SH3GL3: variants seen among roughly 807,000 people sequenced by gnomAD.
SH3GL3 encodes endophilin-A3.
In SH3GL3, 33 loss-of-function variants were observed where a neutral mutation model predicts 47.7. The observed-to-expected ratio is 0.69, with a 90% CI of 0.52 to 0.92. SH3GL3 has a LOEUF of 0.92. SH3GL3 is among the 40% of genes least tolerant of loss of function. SH3GL3 has a pLI of 0.00. For missense variants in SH3GL3, 363 were observed against 417.8 expected, an observed-to-expected ratio of 0.87 and a Z score of 1.14; for synonymous variants, 155 against 148.8, an observed-to-expected ratio of 1.04 and a Z score of -0.30.
At chr15:83,586,542 G>A (rs2059960361) in intron 6 of SH3GL3, among the ~76,000 whole-genome samples, 1 of 152,206 alleles carries the variant, frequency 6.6e-6, no homozygotes, top group African/African-American at 2.4e-5. Flanking sequence ...GTTCTTAACT[G>A]TTTAATGTAC....
At chr15:83,552,143 G>A (rs189076908) in intron 1 of SH3GL3, among the ~76,000 whole-genome samples, 248 of 152,296 alleles carry the variant, frequency 1.6e-3, no homozygotes, top group African/African-American at 5.8e-3. Context: ...GGGCCTGTGA[G>A]AGTGACTGAT....
downstream of SH3GL3, among the ~76,000 whole-genome samples, chr15:83,621,524 AAC>A (rs1466891223): frequency 2.0e-5 from 3 of 152,214 alleles, no homozygotes; most frequent in Non-Finnish European, 2.9e-5. Flanking sequence ...GGTGCCCCAA[AAC>A]AGTTAAAATA....
chr15:83,559,370 GATATGAGATATA>G, intron 2 of SH3GL3, 49 bp downstream of exon 2: 1 of 951,640 alleles, frequency 1.1e-6, no homozygotes, highest in Non-Finnish European at 1.7e-6. Flanking sequence ...CTTTCATTGT[GATATGAGATATA>G]CTGCTATTGT....
In SH3GL3 at chr15:83,498,642, T is replaced by C. The variant is rs563366387; in HGVS notation, c.45+51064T>C. On this transcript the variant is annotated intron_variant, in intron 1 of 8. Transcript: ENST00000427482. ...GCTCTAAGATCTGTCAATCTCTCTC[T>C]GCACCACCATCACTCCTCAGGGTGG... 5.9e-5 allele frequency among the ~76,000 whole-genome samples: 9 copies of C among 152,324 alleles called. No homozygotes were observed. The South Asian group carries it at 1.9e-3, about 32-fold the overall frequency.
At chr15:83,501,940 T>G (rs2042315674) in intron 1 of SH3GL3, among the ~76,000 whole-genome samples, 1 of 152,014 alleles carries the variant, frequency 6.6e-6, no homozygotes, top group Admixed American at 6.5e-5. Flanking sequence ...TTAGACACAG[T>G]TTGCAGGAAA....
At chr15:83,631,403 C>T in the SH3GL3 span, among the ~76,000 whole-genome samples, 1 of 152,222 alleles carries the variant, frequency 6.6e-6, no homozygotes, top group Non-Finnish European at 1.5e-5. Flanking sequence ...GCTCCAGCTC[C>T]ATGTTTCCCT....
intron 1 of SH3GL3, among the ~76,000 whole-genome samples, chr15:83,487,507 C>G (rs1238209220): frequency 6.6e-6 from 1 of 152,046 alleles, no homozygotes; most frequent in Non-Finnish European, 1.5e-5. Flanking sequence ...AAAGAAGTTT[C>G]TATACTTTCC....
intron 6 of SH3GL3, among the ~76,000 whole-genome samples, chr15:83,578,951 C>A (rs1435170152): frequency 1.3e-5 from 2 of 152,110 alleles, no homozygotes; most frequent in African/African-American, 4.8e-5. Context: ...CCGTCTGACC[C>A]ATTTGTTCCA....
chr15:83,519,142 G>A (rs940700656), intron 1 of SH3GL3, among the ~76,000 whole-genome samples: 2 of 152,052 alleles, frequency 1.3e-5, no homozygotes, highest in African/African-American at 4.8e-5. Context: ...TGATTGCTTT[G>A]GCTATTTGGG....
chr15:83,541,335 T>G (rs2044152898), intron 1 of SH3GL3, among the ~76,000 whole-genome samples: 1 of 94,410 alleles, frequency 1.1e-5, no homozygotes, highest in African/African-American at 4.6e-5. Context: ...TTTTTTTTTT[T>G]TTTTTTTTTT....
intron 1 of SH3GL3, among the ~76,000 whole-genome samples, chr15:83,533,423 C>A (rs962541373): frequency 6.6e-6 from 1 of 152,010 alleles, no homozygotes; most frequent in Non-Finnish European, 1.5e-5. Context: ...GAAGACAAAT[C>A]GGTTAATAGG....
chr15:83,607,593 C>T (rs1219985102), intron 8 of SH3GL3, among the ~76,000 whole-genome samples: 2 of 152,140 alleles, frequency 1.3e-5, no homozygotes, highest in East Asian at 1.9e-4. Flanking sequence ...CTACGGCAAG[C>T]GCCCCTTGCC....
chr15:83,610,190 C>T (rs948848785), intron 8 of SH3GL3, among the ~76,000 whole-genome samples: 1 of 152,204 alleles, frequency 6.6e-6, no homozygotes, highest in African/African-American at 2.4e-5. Flanking sequence ...CCCAAAGGCT[C>T]ATTCCAAGCC....
intron 1 of SH3GL3, among the ~76,000 whole-genome samples, chr15:83,507,179 T>G (rs1360693091): frequency 2.6e-5 from 4 of 151,882 alleles, no homozygotes; most frequent in African/African-American, 9.7e-5. Context: ...CTAATTTTTT[T>G]GTATTTTTTT....
chr15:83,520,566 G>A (rs2043163230), intron 1 of SH3GL3, among the ~76,000 whole-genome samples: 1 of 152,170 alleles, frequency 6.6e-6, no homozygotes, highest in Non-Finnish European at 1.5e-5. Flanking sequence ...TGCTGCAGTG[G>A]AGGTGAGGAG....
chr15:83,556,571 G>A (rs555377784), intron 1 of SH3GL3, among the ~76,000 whole-genome samples: 2 of 152,266 alleles, frequency 1.3e-5, no homozygotes, highest in South Asian at 2.1e-4. Context: ...AAGGGATTTC[G>A]GGTCCAACTC....
intron 7 of SH3GL3, among the ~76,000 whole-genome samples, chr15:83,587,797 A>T (rs974850756): frequency 1.3e-5 from 2 of 152,198 alleles, no homozygotes; most frequent in African/African-American, 4.8e-5. Flanking sequence ...AACCCTGTTT[A>T]TTAAAATATT....
intron 6 of SH3GL3, among the ~76,000 whole-genome samples, chr15:83,584,275 T>G (rs570907405): frequency 6.6e-6 from 1 of 152,314 alleles, no homozygotes. Flanking sequence ...TTCTCTGACC[T>G]TGGCACTCCT....
At position 83,583,885 on chromosome 15, in the gene SH3GL3, C is replaced by T. The variant is rs74637096; in HGVS notation, c.625-3098C>T. Among the ~76,000 whole-genome samples, 12 of 152,252 alleles carry T rather than the reference C, an allele frequency of 7.9e-5. No homozygotes were observed. In the East Asian group the frequency reaches 1.4e-3, roughly 17 times the overall value. The stretch of plus-strand genomic sequence containing the variant: ...TTACCCCCTGAGCTTGGTTCTTATG[C>T]GTCTCCAGGCAACAACTCCCATCAC... On this transcript the variant is annotated intron_variant, in intron 6 of 8. Transcript: ENST00000427482.
Sources: gnomAD v4.1 joint callset for allele counts (sites outside exome capture counted in the v4.1 genomes callset) on GRCh38, gnomAD v4.1.1 for gene constraint, MANE v1.5 for transcripts, NCBI Gene and HGNC (gene_info 2026-07-23, HGNC 2026-07-21) for gene names.